PIWIL3: variants seen among roughly 807,000 people sequenced by gnomAD.
PIWIL3 encodes the protein piwi-like protein 3.
PIWIL3 carries 101 observed loss-of-function variants against 109.7 expected under a neutral mutation model. The observed-to-expected ratio is 0.92, with a 90% CI of 0.78 to 1.09. PIWIL3 has a LOEUF of 1.09. Ranked by LOEUF, PIWIL3 falls within the 50% of genes least tolerant of loss-of-function variation. PIWIL3 has a pLI of 0.00. For synonymous variants in PIWIL3, 373 were observed against 376.4 expected, an observed-to-expected ratio of 0.99 and a Z score of 0.10; for missense variants, 1,031 against 1,072.6, an observed-to-expected ratio of 0.96 and a Z score of 0.54.
intron 1 of PIWIL3, among the ~76,000 whole-genome samples, chr22:24,768,980 G>A (rs1925962858): frequency 1.3e-5 from 2 of 152,156 alleles, no homozygotes; most frequent in Admixed American, 6.5e-5. Flanking sequence ...CTGTGCCTGG[G>A]ACAAAGAGCC....
chr22:24,726,246 G>A (rs191180583), intron 16 of PIWIL3, among the ~76,000 whole-genome samples: 2 of 151,682 alleles, frequency 1.3e-5, no homozygotes, highest in East Asian at 3.9e-4. Flanking sequence ...TTAGCTATGT[G>A]TGTTTCTCTT....
At position 24,728,359 on chromosome 22, in the gene PIWIL3, G is replaced by A; in HGVS notation, c.1723C>T (p.Pro575Ser). The change falls in exon 15 of 21, where the codon CCC becomes TCC. Residue 575 changes from proline (P) to serine (S), a missense_variant. Coordinates refer to ENST00000616349, the MANE Select transcript of PIWIL3 (RefSeq NM_001255975.1). ...PTLQMVICILPNDDKRRYDSI... is the reference protein window; with the variant it reads ...PTLQMVICILSNDDKRRYDSI... Reference sequence around the variant, plus strand: ...TCATATCTACGTTTGTCATCATTGGGCAGGATACAAATCACCTTGAAAACC... The same window carrying A: ...TCATATCTACGTTTGTCATCATTGGACAGGATACAAATCACCTTGAAAACC... 6.2e-7 allele frequency: 1 copy of A among 1,614,090 alleles called. No homozygotes were observed. The highest frequency in any genetic ancestry group is 8.5e-7 in the Non-Finnish European group (1 of 1,180,014).
At chr22:24,743,586 GTTATCTTCTCACTC>G (rs1377464536) in intron 12 of PIWIL3, among the ~76,000 whole-genome samples, 1 of 152,156 alleles carries the variant, frequency 6.6e-6, no homozygotes, top group Non-Finnish European at 1.5e-5. Flanking sequence ...ACCAAACATT[GTTATCTTCTCACTC>G]ATAAGTGGGA....
At chr22:24,744,193 A>C (rs1416563552) in intron 12 of PIWIL3, among the ~76,000 whole-genome samples, 29 of 145,478 alleles carry the variant, frequency 2.0e-4, no homozygotes, top group South Asian at 4.3e-4. Context: ...AAAAAAAAAA[A>C]AAAAAAAAAA....
chr22:24,773,996 A>G (rs957414171), intron 1 of PIWIL3, among the ~76,000 whole-genome samples: 1 of 152,200 alleles, frequency 6.6e-6, no homozygotes, highest in Non-Finnish European at 1.5e-5. Flanking sequence ...TACAGGCATG[A>G]GCCACTGTGG....
intron 12 of PIWIL3, among the ~76,000 whole-genome samples, chr22:24,747,314 C>T (rs190450416): frequency 6.6e-6 from 1 of 152,116 alleles, no homozygotes; most frequent in East Asian, 1.9e-4. Flanking sequence ...ATTAAGATGG[C>T]TTGAAGACAT....
At chr22:24,724,816 C>T in intron 18 of PIWIL3, 71 bp downstream of exon 18, 2 of 1,500,400 alleles carry the variant, frequency 1.3e-6, no homozygotes, top group East Asian at 2.4e-5. Context: ...AAGGGATCTG[C>T]CCACCTTAAC....
chr22:24,764,476 C>T (rs959467429), intron 1 of PIWIL3, among the ~76,000 whole-genome samples: 2 of 152,228 alleles, frequency 1.3e-5, no homozygotes, highest in African/African-American at 4.8e-5. Context: ...CCTTACTCAT[C>T]TGGTAAGCAC....
intron 1 of PIWIL3, among the ~76,000 whole-genome samples, chr22:24,770,649 C>A (rs1185780599): frequency 1.4e-5 from 2 of 140,428 alleles, no homozygotes; most frequent in Non-Finnish European, 3.1e-5. Context: ...ATGGTGAAAC[C>A]CCGTCTCTAC....
chr22:24,736,364 A>C (rs1923658500), intron 12 of PIWIL3, among the ~76,000 whole-genome samples: 1 of 152,210 alleles, frequency 6.6e-6, no homozygotes, highest in Non-Finnish European at 1.5e-5. Context: ...TAGTGCAAAT[A>C]AACTTAATTT....
intron 12 of PIWIL3, among the ~76,000 whole-genome samples, chr22:24,743,871 G>A (rs1924153144): frequency 6.6e-6 from 1 of 151,994 alleles, no homozygotes; most frequent in Non-Finnish European, 1.5e-5. Flanking sequence ...TTAAAATAGA[G>A]TTTATTCATT....
At chr22:24,721,344 T>C (rs1922663201) in intron 19 of PIWIL3, among the ~76,000 whole-genome samples, 1 of 152,216 alleles carries the variant, frequency 6.6e-6, no homozygotes, top group African/African-American at 2.4e-5. Flanking sequence ...TGCTGAAGTT[T>C]CACTATAACA....
chr22:24,765,362 C>T (rs9624587), intron 1 of PIWIL3, among the ~76,000 whole-genome samples: 3,968 of 152,264 alleles, frequency 0.026, 63 homozygotes, highest in Middle Eastern at 0.041. Context: ...CTGCTACAGT[C>T]GTCACTCTAT....
intron 6 of PIWIL3, 71 bp downstream of exon 6, chr22:24,755,713 G>A (rs1320935199): frequency 6.4e-7 from 1 of 1,574,160 alleles, no homozygotes; most frequent in East Asian, 2.3e-5. Flanking sequence ...GAAGCAAATG[G>A]CTGTATTCCA....
At position 24,726,501 on chromosome 22, in the gene PIWIL3, G is replaced by A. The variant is rs564685468; in HGVS notation, c.2010-986C>T. On this transcript the variant is annotated intron_variant, in intron 16 of 20. Transcript: ENST00000616349. ...GGGGTTTCACCATGTTAGCCAGTAT[G>A]GTCTCGATCTCCTGACCTTGTGATC... is the stretch of plus-strand genomic sequence containing the variant. Among the ~76,000 whole-genome samples the A allele has an allele frequency of 2.3e-4, 35 of 152,172 alleles. No homozygotes were observed. In the South Asian group the frequency reaches 6.4e-3, roughly 28 times the overall value.
intron 4 of PIWIL3, 29 bp from the exon 5 acceptor site, chr22:24,756,734 GAAAC>G: frequency 6.4e-7 from 1 of 1,562,432 alleles, no homozygotes; most frequent in Non-Finnish European, 8.8e-7. Flanking sequence ...TGACAATAAA[GAAAC>G]AGACTGATTG....
chr22:24,766,733 T>C (rs1393872289), intron 1 of PIWIL3, among the ~76,000 whole-genome samples: 1 of 152,192 alleles, frequency 6.6e-6, no homozygotes, highest in Non-Finnish European at 1.5e-5. Context: ...AATAGTTAGT[T>C]ATCTGGCACG....
intron 2 of PIWIL3, among the ~76,000 whole-genome samples, chr22:24,760,780 CAA>C (rs61469163): frequency 4.8e-3 from 198 of 41,012 alleles, no homozygotes; most frequent in African/African-American, 0.016. Context: ...AACTCTGTCT[CAA>C]AAAAAAAAAA....
chr22:24,757,736 A>G (rs913672779), intron 4 of PIWIL3, among the ~76,000 whole-genome samples, 172 bp downstream of exon 4: 5 of 150,066 alleles, frequency 3.3e-5, no homozygotes, highest in African/African-American at 1.0e-4. Flanking sequence ...AGTCCCAGCT[A>G]CTTGAGCTGG....
Sources: allele counts gnomAD v4.1 joint callset (sites outside exome capture counted in the v4.1 genomes callset), GRCh38; gene constraint gnomAD v4.1.1; transcripts MANE v1.5; gene names NCBI Gene and HGNC (gene_info 2026-07-23, HGNC 2026-07-21).